Variants in SLF1 observed in about 807,000 individuals in gnomAD.
The protein encoded by SLF1 is SMC5-SMC6 complex localization factor protein 1.
SLF1 carries 105 observed loss-of-function variants against 123.0 expected under a neutral mutation model. That is an observed-to-expected ratio of 0.85 (90% CI 0.73 to 1.00). The LOEUF is 1.00. SLF1 is among the 50% of genes least tolerant of loss of function. The probability of loss-of-function intolerance (pLI) is 0.00; values close to 1 mark genes in which losing one functional copy is unlikely to be tolerated. For missense variants in SLF1, 1,239 were observed against 1,223.0 expected, an observed-to-expected ratio of 1.01 and a Z score of -0.20; for synonymous variants, 434 against 406.6, an observed-to-expected ratio of 1.07 and a Z score of -0.81.
intron 15 of SLF1, among the ~76,000 whole-genome samples, chr5:94,682,308 T>G (rs1751887887): frequency 2.0e-5 from 3 of 152,210 alleles, no homozygotes; most frequent in African/African-American, 7.2e-5. Flanking sequence ...AATTTTGAAA[T>G]TCATTGTCTG....
At chr5:94,651,068 C>T (rs1747663318) in intron 6 of SLF1, among the ~76,000 whole-genome samples, 1 of 152,090 alleles carries the variant, frequency 6.6e-6, no homozygotes, top group Admixed American at 6.6e-5. Context: ...ATAATAATAC[C>T]ATATTTTTAC....
chr5:94,644,561 T>C (rs1172492326), intron 5 of SLF1, among the ~76,000 whole-genome samples: 1 of 152,204 alleles, frequency 6.6e-6, no homozygotes, highest in Non-Finnish European at 1.5e-5. Context: ...TAAGCTAAGC[T>C]ACTCCTAACT....
At chr5:94,646,902 C>G (rs939697500) in intron 5 of SLF1, among the ~76,000 whole-genome samples, 1 of 152,090 alleles carries the variant, frequency 6.6e-6, no homozygotes, top group South Asian at 2.1e-4. Context: ...TATTATGGGT[C>G]AGGCTATATG....
rs1753541302 is a variant in SLF1 at position 94,696,888 on chromosome 5, A to G, written c.*1576A>G. 1 of 151,838 alleles carries G rather than the reference A, an allele frequency of 6.6e-6. No individual in the cohort carries two copies. Among genetic ancestry groups the G allele is most frequent in the African/African-American group, 2.4e-5 (1 of 41,396 alleles). The allele number at this position is 151,838 out of a possible 1,614,324, so 9.4% of individuals were successfully genotyped here. A position where few individuals can be genotyped will look rare whatever the true frequency, so the allele number is the denominator to read the frequency against. ...AGCATATCACATCATATGACACTTAATAAATATTATTTCCTTTCTAATTCT... is the reference window on the plus strand; with the variant it reads ...AGCATATCACATCATATGACACTTAGTAAATATTATTTCCTTTCTAATTCT... On this transcript the variant is annotated 3_prime_UTR_variant, in exon 21 of 21. Coordinates refer to ENST00000265140, the MANE Select transcript of SLF1 (RefSeq NM_032290.4).
At chr5:94,675,926 T>TTA (rs1554068951) in intron 14 of SLF1, among the ~76,000 whole-genome samples, 3 of 148,566 alleles carry the variant, frequency 2.0e-5, no homozygotes, top group African/African-American at 5.0e-5. Context: ...TTTTTTTTTT[T>TTA]AAATGTTGTT....
At chr5:94,656,990 A>G (rs551034297) in intron 9 of SLF1, among the ~76,000 whole-genome samples, 83 of 148,988 alleles carry the variant, frequency 5.6e-4, no homozygotes, top group African/African-American at 1.8e-3. Context: ...GCTCTTTATT[A>G]TTTATTTAAA....
At chr5:94,673,647 G>A (rs1157111973) in intron 14 of SLF1, among the ~76,000 whole-genome samples, 3 of 148,026 alleles carry the variant, frequency 2.0e-5, no homozygotes, top group Non-Finnish European at 4.4e-5. Context: ...CTATGATTGC[G>A]CCGCAGCATT....
In SLF1 at chr5:94,635,201, A is replaced by G. The variant is rs904259061; in HGVS notation, c.431+4458A>G. Reference sequence around the variant, plus strand: ...TTTACAGTTTTTCAATGTAAATTCTATTTTGTCTCATAGGAGTGTAGCTAG... The same window carrying G: ...TTTACAGTTTTTCAATGTAAATTCTGTTTTGTCTCATAGGAGTGTAGCTAG... On this transcript the variant is annotated intron_variant, in intron 4 of 20. Transcript: ENST00000265140. Among the ~76,000 whole-genome samples, 23 of 151,648 alleles carry G rather than the reference A, an allele frequency of 1.5e-4. 1 individual carries two copies. Among genetic ancestry groups the G allele is most frequent in the African/African-American group, 5.1e-4 (21 of 41,258 alleles).
At chr5:94,685,326 T>C (rs1752288792) in intron 15 of SLF1, among the ~76,000 whole-genome samples, 2 of 152,246 alleles carry the variant, frequency 1.3e-5, no homozygotes, top group Admixed American at 6.5e-5. Context: ...TTCTGCTGTT[T>C]ATTATGTTTA....
intron 4 of SLF1, among the ~76,000 whole-genome samples, chr5:94,636,580 ATTC>A (rs59328733): frequency 0.25 from 38,079 of 151,470 alleles, 5,083 homozygotes; most frequent in Non-Finnish European, 0.29. Flanking sequence ...TAGCAATTAT[ATTC>A]TTCATCTCCA....
intron 4 of SLF1, 106 bp from the exon 5 acceptor site, chr5:94,643,167 T>C (rs1746639368): frequency 3.7e-6 from 3 of 815,368 alleles, no homozygotes; most frequent in Non-Finnish European, 5.6e-6. Context: ...AATTAGTCCC[T>C]ATTAGAAAAG....
intron 14 of SLF1, among the ~76,000 whole-genome samples, chr5:94,675,904 ATTTTTTTT>A (rs70978120): frequency 1.6e-5 from 2 of 121,714 alleles, no homozygotes; most frequent in Non-Finnish European, 3.4e-5. Flanking sequence ...CAACTGGTTG[ATTTTTTTT>A]TTTTTTTTTT....
chr5:94,638,053 T>C (rs1746014462), intron 4 of SLF1, among the ~76,000 whole-genome samples: 1 of 152,182 alleles, frequency 6.6e-6, no homozygotes, highest in African/African-American at 2.4e-5. Context: ...GCTTTGCAGG[T>C]GCTGTGCTGT....
intron 20 of SLF1, among the ~76,000 whole-genome samples, chr5:94,693,697 T>G (rs548887726): frequency 6.6e-6 from 1 of 151,858 alleles, no homozygotes; most frequent in South Asian, 2.1e-4. Context: ...TTTCAAGAAT[T>G]TATTTATTTC....
At chr5:94,692,296 C>G (rs757174002) in intron 20 of SLF1, 40 bp downstream of exon 20, 1 of 1,581,822 alleles carries the variant, frequency 6.3e-7, no homozygotes, top group Non-Finnish European at 8.6e-7. Context: ...ATAAATTATC[C>G]AGTTTTTTGA....
intron 4 of SLF1, among the ~76,000 whole-genome samples, chr5:94,634,361 T>C (rs1001322868): frequency 2.0e-5 from 3 of 152,206 alleles, no homozygotes; most frequent in Non-Finnish European, 4.4e-5. Flanking sequence ...TCTCTGCACC[T>C]ATGCGTTCAA....
intron 15 of SLF1, among the ~76,000 whole-genome samples, chr5:94,680,669 TA>T (rs1435498115): frequency 6.6e-6 from 1 of 152,236 alleles, no homozygotes; most frequent in South Asian, 2.1e-4. Context: ...AATTATAATT[TA>T]TTTTATAGTT....
At chr5:94,662,500 C>A in intron 10 of SLF1, 149 bp downstream of exon 10, 1 of 605,272 alleles carries the variant, frequency 1.7e-6, no homozygotes, top group Non-Finnish European at 2.5e-6. Flanking sequence ...CTTCTCTAAT[C>A]AGAAATGATA....
intron 14 of SLF1, among the ~76,000 whole-genome samples, chr5:94,671,739 T>C (rs1307279197): frequency 6.6e-6 from 1 of 151,710 alleles, no homozygotes; most frequent in Non-Finnish European, 1.5e-5. Context: ...TAATATAAAT[T>C]ACCTGTTGAG....
Sources: gnomAD v4.1 joint callset for allele counts (sites outside exome capture counted in the v4.1 genomes callset) on GRCh38, gnomAD v4.1.1 for gene constraint, MANE v1.5 for transcripts, NCBI Gene and HGNC (gene_info 2026-07-23, HGNC 2026-07-21) for gene names.